Variants in HDX observed in about 807,000 individuals in gnomAD.
HDX encodes chromosome X open reading frame 43.
HDX carries 19 observed loss-of-function variants against 45.2 expected under a neutral mutation model. The ratio of observed to expected loss-of-function variants is 0.42; its 90% CI spans 0.29 to 0.62. The LOEUF is 0.62. Among genes scored for constraint, HDX ranks in the 20% least tolerant of loss-of-function variants. The pLI is 0.20. For synonymous variants in HDX, 188 were observed against 172.8 expected, an observed-to-expected ratio of 1.09 and a Z score of -0.69; for missense variants, 532 against 493.9, an observed-to-expected ratio of 1.08 and a Z score of -0.73.
At position 84,325,230 on chromosome X, in the gene HDX, A is replaced by T. The variant is rs2036683185; in HGVS notation, c.1947+948T>A. 3.6e-5 allele frequency among the ~76,000 whole-genome samples: 4 copies of T among 111,207 alleles called. No homozygotes were observed. In the Admixed American group the frequency reaches 3.8e-4, roughly 11 times the overall value. Reference sequence around the variant, plus strand: ...AAAAAAGGGAGGCTTATGGAATGTTATGGCTTTAATCTTTTTCCTTAGGGA... The same window carrying T: ...AAAAAAGGGAGGCTTATGGAATGTTTTGGCTTTAATCTTTTTCCTTAGGGA... On this transcript the variant is annotated intron_variant, in intron 10 of 10. Transcript: ENST00000373177.
Position 84,336,972 on chromosome X carries a change from T to C in HDX, c.1661-92A>G, listed in dbSNP as rs2036978138. ...GGTCATTTAAATAATTTCTCTATTA[T>C]AAAAAGACACAAATGGCAAATTCAT... On this transcript the variant is annotated intron_variant, in intron 7 of 10. Coordinates refer to ENST00000373177, the MANE Select transcript of HDX (RefSeq NM_001177479.2). 7.1e-6 allele frequency: 4 copies of C among 565,107 alleles called. No individual in the cohort carries two copies. In the African/African-American group the frequency reaches 9.4e-5, roughly 13 times the overall value. 46.6% of individuals were successfully genotyped at this position (565,107 alleles called of 1,213,427 possible).
chrX:84,501,549 T>C (rs970075089), intron 1 of HDX: 5 of 112,393 alleles, frequency 4.4e-5, no homozygotes, highest in African/African-American at 1.6e-4. Flanking sequence ...GAATAATTAG[T>C]GTTTATTTTT....
intron 1 of HDX, among the ~76,000 whole-genome samples, chrX:84,493,036 C>T (rs768033771): frequency 3.6e-5 from 4 of 110,430 alleles, no homozygotes; most frequent in Admixed American, 9.7e-5. Flanking sequence ...CCTCAGCCTC[C>T]GAGTAGCTAA....
Position 84,361,452 on chromosome X carries a change from A to G in HDX, c.1452+14T>C. ...TCAGCAACTATAGCATGAAAATTATAGAAAATGTCTTACCCGAACTATTTC... is the reference window on the plus strand; with the variant it reads ...TCAGCAACTATAGCATGAAAATTATGGAAAATGTCTTACCCGAACTATTTC... On this transcript the variant is annotated intron_variant, in intron 6 of 10. Transcript: ENST00000373177. The G allele has an allele frequency of 8.3e-7, 1 of 1,198,628 alleles. No homozygotes were observed. Among genetic ancestry groups the G allele is most frequent in the South Asian group, 1.8e-5 (1 of 55,414 alleles).
intron 2 of HDX, among the ~76,000 whole-genome samples, chrX:84,479,495 G>A (rs1250938623): frequency 8.0e-5 from 9 of 112,037 alleles, no homozygotes. Flanking sequence ...TGGCTGTTAT[G>A]AATAAAGCTG....
At chrX:84,430,778 T>C (rs1156390983) in intron 5 of HDX, among the ~76,000 whole-genome samples, 1 of 110,634 alleles carries the variant, frequency 9.0e-6, no homozygotes, top group Non-Finnish European at 1.9e-5. Flanking sequence ...TGATTAGTAA[T>C]GTTGAACATT....
intron 6 of HDX, among the ~76,000 whole-genome samples, chrX:84,357,537 C>T (rs1343350508): frequency 9.0e-6 from 1 of 111,292 alleles, no homozygotes; most frequent in African/African-American, 3.3e-5. Context: ...ACCAAGCTGA[C>T]CAAAGTTATA....
intron 4 of HDX, among the ~76,000 whole-genome samples, chrX:84,442,258 G>A (rs1357107381): frequency 9.0e-6 from 1 of 111,140 alleles, no homozygotes; most frequent in East Asian, 2.8e-4. Context: ...ATTATAAGCA[G>A]TAATGACCTA....
chrX:84,395,666 C>T (rs2038544626), intron 5 of HDX, among the ~76,000 whole-genome samples: 2 of 111,414 alleles, frequency 1.8e-5, no homozygotes, highest in African/African-American at 3.3e-5. Context: ...CCTATGTTTT[C>T]TAACCCATTC....
intron 5 of HDX, among the ~76,000 whole-genome samples, chrX:84,429,051 A>G (rs935305345): frequency 2.7e-5 from 3 of 110,834 alleles, no homozygotes; most frequent in Admixed American, 9.6e-5. Context: ...TGATTTATTC[A>G]TCTAACTCCA....
chrX:84,407,214 T>G (rs1052341987), intron 5 of HDX, among the ~76,000 whole-genome samples: 2 of 110,814 alleles, frequency 1.8e-5, no homozygotes, highest in African/African-American at 6.5e-5. Flanking sequence ...TTCCTTCTAC[T>G]CTCCACGCTC....
At chrX:84,412,255 A>G (rs1347341921) in intron 5 of HDX, among the ~76,000 whole-genome samples, 1 of 111,185 alleles carries the variant, frequency 9.0e-6, no homozygotes, top group Non-Finnish European at 1.9e-5. Flanking sequence ...TTACAGTGTC[A>G]ATGGTCTATG....
chrX:84,375,261 A>T (rs1340865069), intron 5 of HDX, among the ~76,000 whole-genome samples: 2 of 110,927 alleles, frequency 1.8e-5, no homozygotes, highest in Non-Finnish European at 1.9e-5. Context: ...GCTGTAGAGG[A>T]TGTGGAGAAA....
At chrX:84,354,264 A>T (rs2037423719) in intron 6 of HDX, among the ~76,000 whole-genome samples, 1 of 112,015 alleles carries the variant, frequency 8.9e-6, no homozygotes, top group Non-Finnish European at 1.9e-5. Flanking sequence ...CATAATGGCT[A>T]TTAAAAATGA....
intron 5 of HDX, among the ~76,000 whole-genome samples, chrX:84,382,120 A>T (rs1395937926): frequency 8.9e-6 from 1 of 111,892 alleles, no homozygotes; most frequent in Non-Finnish European, 1.9e-5. Context: ...ATCCTCAGAG[A>T]AATGCAAATC....
intron 4 of HDX, among the ~76,000 whole-genome samples, chrX:84,458,770 T>A (rs948622015): frequency 9.0e-6 from 1 of 111,501 alleles, no homozygotes; most frequent in Non-Finnish European, 1.9e-5. Flanking sequence ...CTCAAAGAGG[T>A]CATCAGATTT....
intron 5 of HDX, among the ~76,000 whole-genome samples, chrX:84,436,381 T>C (rs2039636063): frequency 9.2e-6 from 1 of 109,230 alleles, no homozygotes; most frequent in African/African-American, 3.4e-5. Flanking sequence ...ACCCTAAAAC[T>C]TAAAGTATAA....
chrX:84,413,116 AT>A (rs1250578964), intron 5 of HDX, among the ~76,000 whole-genome samples: 1 of 111,304 alleles, frequency 9.0e-6, no homozygotes, highest in Non-Finnish European at 1.9e-5. Flanking sequence ...GATGATCTTC[AT>A]TTCTATCCAT....
At chrX:84,363,172 C>T (rs1456991778) in intron 5 of HDX, among the ~76,000 whole-genome samples, 1 of 111,584 alleles carries the variant, frequency 9.0e-6, no homozygotes, top group Non-Finnish European at 1.9e-5. Context: ...AACATGCCAT[C>T]TAAGTTTTTT....
Sources: allele counts gnomAD v4.1 joint callset (sites outside exome capture counted in the v4.1 genomes callset), GRCh38; gene constraint gnomAD v4.1.1; transcripts MANE v1.5; gene names NCBI Gene and HGNC (gene_info 2026-07-23, HGNC 2026-07-21).